The following PACRG variants were observed in gnomAD, a reference collection of about 807,000 sequenced individuals.
PACRG encodes the protein parkin coregulated.
In PACRG, 29 loss-of-function variants were observed where a neutral mutation model predicts 29.7. That is an observed-to-expected ratio of 0.98 (90% CI 0.73 to 1.33). The LOEUF (loss-of-function observed/expected upper bound fraction) is 1.33, where lower values mean the gene tolerates loss of function less well. Ranked by LOEUF, PACRG falls within the 40% of genes most tolerant of loss-of-function variation. The probability of loss-of-function intolerance (pLI) is 0.00; values close to 1 mark genes in which losing one functional copy is unlikely to be tolerated. For missense variants in PACRG, 279 were observed against 316.2 expected, an observed-to-expected ratio of 0.88 and a Z score of 0.89; for synonymous variants, 116 against 118.7, an observed-to-expected ratio of 0.98 and a Z score of 0.15.
chr6:163,166,227 C>A, intron 4 of PACRG: 1 of 456,260 alleles, frequency 2.2e-6, no homozygotes, highest in South Asian at 1.5e-5. Flanking sequence ...TCTCTCCCTG[C>A]TCTCCTCTTT....
chr6:162,950,432 C>T (rs918617036), intron 2 of PACRG, among the ~76,000 whole-genome samples: 11 of 152,108 alleles, frequency 7.2e-5, no homozygotes, highest in African/African-American at 1.7e-4. Flanking sequence ...GGCATGAACC[C>T]GGGAGGCGGA....
rs1787149534 is a variant in PACRG, at chr6:162,814,398, G to T, written c.291+117G>T. 1.3e-5 allele frequency: 17 copies of T among 1,333,304 alleles called. No homozygotes were observed. The South Asian group carries it at 2.5e-4, about 19-fold the overall frequency. The allele number at this position is 1,333,304 out of a possible 1,614,324, so 82.6% of individuals were successfully genotyped here. On this transcript the variant is annotated intron_variant, in intron 2 of 4. Coordinates refer to ENST00000366888, the MANE Select transcript of PACRG (RefSeq NM_001080379.2). ...TGGAGTCATTTCTCAGCACATGGAA[G>T]ATGGTGGGAAAGCTCTTAGAGAAAG...
intron 4 of PACRG, among the ~76,000 whole-genome samples, chr6:163,126,867 C>T (rs534684982): frequency 1.3e-5 from 2 of 152,328 alleles, no homozygotes; most frequent in South Asian, 4.1e-4. Context: ...CAGGTGTTGA[C>T]CCGAAGGGGA....
chr6:163,207,022 C>A (rs987814948), intron 4 of PACRG, among the ~76,000 whole-genome samples: 1 of 152,054 alleles, frequency 6.6e-6, no homozygotes, highest in Non-Finnish European at 1.5e-5. Context: ...TGGGACATTT[C>A]GCTAGGATTT....
intron 3 of PACRG, among the ~76,000 whole-genome samples, chr6:163,086,096 A>G (rs2128296884): frequency 6.6e-6 from 1 of 152,368 alleles, no homozygotes; most frequent in East Asian, 1.9e-4. Context: ...AAACCCGTTG[A>G]GCATAGTTGG....
chr6:163,243,639 C>T (rs1782586738), intron 4 of PACRG, among the ~76,000 whole-genome samples: 1 of 152,180 alleles, frequency 6.6e-6, no homozygotes, highest in Admixed American at 6.5e-5. Flanking sequence ...ACCTAACCCA[C>T]CCCAGTGGTC....
At chr6:163,035,257 A>G (rs911173942) in intron 2 of PACRG, among the ~76,000 whole-genome samples, 10 of 152,180 alleles carry the variant, frequency 6.6e-5, no homozygotes, top group Non-Finnish European at 1.3e-4. Flanking sequence ...TCATGCCCAT[A>G]AACTCAGCAC....
chr6:163,252,295 G>A (rs931791688), intron 4 of PACRG, among the ~76,000 whole-genome samples: 2 of 152,250 alleles, frequency 1.3e-5, no homozygotes, highest in African/African-American at 2.4e-5. Context: ...GCCAGGCGCC[G>A]GCCTTCGTTC....
intron 4 of PACRG, among the ~76,000 whole-genome samples, chr6:163,211,757 C>T (rs184085251): frequency 2.4e-4 from 37 of 152,270 alleles, no homozygotes; most frequent in African/African-American, 8.4e-4. Context: ...TTTTGCACTC[C>T]TACCAAGTCT....
At chr6:163,256,288 A>G (rs969365743) in intron 4 of PACRG, among the ~76,000 whole-genome samples, 1 of 152,220 alleles carries the variant, frequency 6.6e-6, no homozygotes, top group African/African-American at 2.4e-5. Context: ...TTAGTTTAAC[A>G]AACACATGCT....
At chr6:163,276,401 G>C (rs1212181504) in intron 4 of PACRG, among the ~76,000 whole-genome samples, 1 of 152,096 alleles carries the variant, frequency 6.6e-6, no homozygotes, top group Non-Finnish European at 1.5e-5. Context: ...CCTTCATTTT[G>C]TTTCCACTAG....
At chr6:162,890,722 T>C (rs553230662) in intron 2 of PACRG, among the ~76,000 whole-genome samples, 1 of 152,328 alleles carries the variant, frequency 6.6e-6, no homozygotes, top group African/African-American at 2.4e-5. Context: ...GGCATTCTCC[T>C]CAGTCTTTAT....
At chr6:163,088,949 G>T (rs1014700701) in intron 3 of PACRG, among the ~76,000 whole-genome samples, 10 of 152,082 alleles carry the variant, frequency 6.6e-5, no homozygotes, top group African/African-American at 2.4e-4. Flanking sequence ...AACATTAAGT[G>T]ATCTTTTGTC....
At chr6:162,856,348 C>T (rs764159504) in intron 2 of PACRG, among the ~76,000 whole-genome samples, 9 of 152,156 alleles carry the variant, frequency 5.9e-5, no homozygotes, top group Non-Finnish European at 1.2e-4. Flanking sequence ...CATGAGCCAC[C>T]GCACCTGGCC....
At chr6:162,980,516 T>G (rs1802324939) in intron 2 of PACRG, among the ~76,000 whole-genome samples, 1 of 152,146 alleles carries the variant, frequency 6.6e-6, no homozygotes, top group African/African-American at 2.4e-5. Flanking sequence ...ACAATAATAC[T>G]CTTGTTTTTG....
chr6:163,185,385 A>G (rs1328636548), intron 4 of PACRG, among the ~76,000 whole-genome samples: 2 of 152,214 alleles, frequency 1.3e-5, no homozygotes, highest in African/African-American at 4.8e-5. Flanking sequence ...GATGTCCTGA[A>G]GTTCAGCATG....
chr6:163,172,077 G>A (rs1035802776), intron 4 of PACRG, among the ~76,000 whole-genome samples: 1 of 152,178 alleles, frequency 6.6e-6, no homozygotes, highest in African/African-American at 2.4e-5. Context: ...TCCAAACATA[G>A]AAATATCTTT....
intron 4 of PACRG, among the ~76,000 whole-genome samples, chr6:163,175,109 C>T (rs1470303560): frequency 6.6e-6 from 1 of 152,176 alleles, no homozygotes; most frequent in Non-Finnish European, 1.5e-5. Context: ...TGTTTCCTAA[C>T]CCAGAACTCT....
intron 3 of PACRG, among the ~76,000 whole-genome samples, chr6:163,062,796 A>G (rs868805882): frequency 6.6e-6 from 1 of 152,322 alleles, no homozygotes; most frequent in South Asian, 2.1e-4. Flanking sequence ...TTAATCTACA[A>G]TAGGTAAGCT....
Sources: gnomAD v4.1 joint callset for allele counts (sites outside exome capture counted in the v4.1 genomes callset) on GRCh38, gnomAD v4.1.1 for gene constraint, MANE v1.5 for transcripts, NCBI Gene and HGNC (gene_info 2026-07-23, HGNC 2026-07-21) for gene names.